MKRN2OS: variants seen among roughly 807,000 people sequenced by gnomAD.
The protein encoded by MKRN2OS is MKRN2 opposite strand protein.
A neutral mutation model predicts 18.2 loss-of-function variants in MKRN2OS; 17 were observed. That is an observed-to-expected ratio of 0.93 (90% CI 0.64 to 1.40). The LOEUF (loss-of-function observed/expected upper bound fraction) is 1.40. MKRN2OS is among the 40% of genes most tolerant of loss of function. The pLI, the probability that MKRN2OS is intolerant of heterozygous loss-of-function variation, is 0.00. For missense variants in MKRN2OS, 337 were observed against 283.0 expected (o/e 1.19, Z -1.37); for synonymous variants, 121 against 108.5 (o/e 1.12, Z -0.72).
intron 1 of MKRN2OS, among the ~76,000 whole-genome samples, chr3:12,544,636 A>G (rs1279363057): frequency 6.6e-6 from 1 of 151,218 alleles, no homozygotes; most frequent in African/African-American, 2.4e-5. Context: ...AAGCTGAGAC[A>G]CCATTGCACT....
chr3:12,556,370 A>C (rs548314474), intron 1 of MKRN2OS, among the ~76,000 whole-genome samples: 1 of 114,008 alleles, frequency 8.8e-6, no homozygotes, highest in Non-Finnish European at 1.7e-5. Flanking sequence ...AAAAAATAAA[A>C]TAATAATAAT....
Position 12,543,252 on chromosome 3 carries a change from T to G in MKRN2OS, c.219-23A>C, listed in dbSNP as rs891983266. 11 of 1,532,540 alleles carry G rather than the reference T, an allele frequency of 7.2e-6. No individual in the cohort carries two copies. In the Admixed American group the frequency reaches 2.0e-4, roughly 28 times the overall value. 94.9% of individuals were successfully genotyped at this position (1,532,540 alleles called of 1,614,324 possible). ...TCTCTGAAAGAAACAAGGTTTGTTT[T>G]TTTTTGGTTTGCATGTATTTGGCAT... On this transcript the variant is annotated intron_variant, in intron 1 of 3. Coordinates refer to ENST00000564146, the MANE Select transcript of MKRN2OS (RefSeq NM_001195279.2).
upstream of MKRN2OS, among the ~76,000 whole-genome samples, chr3:12,548,461 A>T (rs1417154757): frequency 2.4e-5 from 1 of 41,974 alleles, no homozygotes; most frequent in South Asian, 3.9e-4. Context: ...AAAAAAAAAA[A>T]AAAAAAAAAA....
At chr3:12,545,788 A>C (rs1397217978), upstream of MKRN2OS, among the ~76,000 whole-genome samples, 1 of 152,036 alleles carries the variant, frequency 6.6e-6, no homozygotes, top group Non-Finnish European at 1.5e-5. Context: ...GCAGCGCTGG[A>C]TTCATATTTC....
At chr3:12,542,140 G>T in intron 2 of MKRN2OS, 118 bp from the exon 3 acceptor site, 1 of 1,060,550 alleles carries the variant, frequency 9.4e-7, no homozygotes, top group Non-Finnish European at 1.3e-6. Context: ...AATCCAGGGT[G>T]GAGGTTCTAG....
intron 1 of MKRN2OS, chr3:12,557,124 C>G: frequency 2.0e-6 from 3 of 1,496,768 alleles, no homozygotes; most frequent in Non-Finnish European, 2.7e-6. Context: ...GGCGGCGGCA[C>G]GACGACGGTC....
chr3:12,542,997 G>C (rs1263594872), intron 2 of MKRN2OS, among the ~76,000 whole-genome samples, 183 bp downstream of exon 2: 2 of 152,184 alleles, frequency 1.3e-5, no homozygotes, highest in Non-Finnish European at 2.9e-5. Context: ...TGTATTGTTA[G>C]TGATAATTTG....
Position 12,540,411 on chromosome 3 carries a change from A to G in MKRN2OS, c.454T>C (p.Cys152Arg). The change falls in exon 4 of 4, where the codon TGC becomes CGC. Residue 152 changes from cysteine (C) to arginine (R), a missense_variant. Coordinates refer to ENST00000564146, the MANE Select transcript of MKRN2OS (RefSeq NM_001195279.2). ...ATGAACGTGAGTGCGTAAGAGTAGC[A>G]GTTATGGTGGTTGTCTTCATACCTT... ...PHRYEDNHHNCYSYALTFINC... is the reference protein window; with the variant it reads ...PHRYEDNHHNRYSYALTFINC... The G allele has an allele frequency of 1.3e-6, 2 of 1,536,138 alleles. No homozygotes were observed. The highest frequency in any genetic ancestry group is 1.7e-6 in the Non-Finnish European group (2 of 1,146,914).
At chr3:12,558,847 T>C (rs553178623) in intron 1 of MKRN2OS, among the ~76,000 whole-genome samples, 151 of 152,326 alleles carry the variant, frequency 9.9e-4, no homozygotes, top group Admixed American at 3.0e-3. Context: ...TGTTGGGGAC[T>C]TACAATGTGC....
chr3:12,549,486 A>G (rs1161845747), upstream of MKRN2OS, among the ~76,000 whole-genome samples: 1 of 149,952 alleles, frequency 6.7e-6, no homozygotes, highest in Non-Finnish European at 1.5e-5. Flanking sequence ...CAAGTGATCC[A>G]GCCACCTCAG....
downstream of MKRN2OS, among the ~76,000 whole-genome samples, chr3:12,550,835 T>C (rs1010143056): frequency 2.6e-5 from 4 of 151,500 alleles, no homozygotes; most frequent in African/African-American, 9.7e-5. Flanking sequence ...GGGTTATATG[T>C]GTTGGGTAAC....
At position 12,545,261 on chromosome 3, in the gene MKRN2OS, C is replaced by A; in HGVS notation, c.204G>T (p.Gln68His). 1 of 1,534,780 alleles carries A rather than the reference C, an allele frequency of 6.5e-7. No homozygotes were observed. The change falls in exon 1 of 4, where the codon CAG becomes CAT. Residue 68 changes from glutamine (Q) to histidine (H), a missense_variant. Transcript: ENST00000564146. ...AAACACTGTACCTAAGAAATGTCCCCTGAGTTGGTCTGAGGAGGAATGAAC... is the reference window on the plus strand; with the variant it reads ...AAACACTGTACCTAAGAAATGTCCCATGAGTTGGTCTGAGGAGGAATGAAC... ...EKCSFLLRPT[Q>H]GTFLREYDGR...
chr3:12,551,097 C>G (rs1037141503), downstream of MKRN2OS, among the ~76,000 whole-genome samples: 2 of 151,966 alleles, frequency 1.3e-5, no homozygotes, highest in African/African-American at 4.8e-5. Context: ...GGTTACATAC[C>G]GCTTTCACCA....
intron 1 of MKRN2OS, among the ~76,000 whole-genome samples, chr3:12,559,890 G>C (rs892552385): frequency 5.9e-5 from 9 of 152,110 alleles, no homozygotes; most frequent in African/African-American, 2.2e-4. Flanking sequence ...ATCACTATTA[G>C]AAGACACAGG....
At position 12,540,292 on chromosome 3, in the gene MKRN2OS, C is replaced by T. The variant is rs777255831; in HGVS notation, c.573G>A (p.Lys191=). 20 of 1,536,044 alleles carry T rather than the reference C, an allele frequency of 1.3e-5. No individual in the cohort carries two copies. The East Asian group carries it at 4.4e-4, about 34-fold the overall frequency. ...GTATCGCCCGGTAGAGTGTGATGAA[C>T]TTGGATGCCAGCCTTGTCCGCGGGA... The part of the protein sequence containing the change: ...YVVPRTRLAS[K]FITLYRAIRE... The change falls in exon 4 of 4, where the codon AAG becomes AAA. Residue 191 remains lysine (K), a synonymous_variant. Transcript: ENST00000564146.
chr3:12,543,373 G>A, intron 1 of MKRN2OS, 144 bp from the exon 2 acceptor site: 1 of 628,640 alleles, frequency 1.6e-6, no homozygotes, highest in Non-Finnish European at 2.7e-6. Flanking sequence ...GATCACTTGA[G>A]GCCAGGAGTT....
chr3:12,543,151 G>A (rs1446307233), intron 2 of MKRN2OS, 29 bp downstream of exon 2: 7 of 1,521,808 alleles, frequency 4.6e-6, no homozygotes, highest in Non-Finnish European at 6.2e-6. Flanking sequence ...GGGTAGTAGG[G>A]GTTTTTTAAG....
intron 1 of MKRN2OS, among the ~76,000 whole-genome samples, chr3:12,543,823 CGGA>C (rs2057849208): frequency 6.9e-6 from 1 of 144,458 alleles, no homozygotes; most frequent in African/African-American, 2.6e-5. Flanking sequence ...ACCTGGGAGG[CGGA>C]GGTGGCAGTG....
chr3:12,559,170 G>A (rs899821721), intron 1 of MKRN2OS, among the ~76,000 whole-genome samples: 3 of 152,180 alleles, frequency 2.0e-5, no homozygotes, highest in African/African-American at 7.2e-5. Context: ...CAGGGCTCCC[G>A]ATGACTGCCT....
Sources: allele counts gnomAD v4.1 joint callset (sites outside exome capture counted in the v4.1 genomes callset), GRCh38; gene constraint gnomAD v4.1.1; transcripts MANE v1.5; gene names NCBI Gene and HGNC (gene_info 2026-07-23, HGNC 2026-07-21).